NRXN3: variants seen among roughly 807,000 people sequenced by gnomAD.
NRXN3 encodes neurexin 3, also known as neurexin III.
Under a neutral mutation model 137.6 loss-of-function variants are expected in NRXN3, and 32 were observed. The ratio of observed to expected loss-of-function variants is 0.23; its 90% confidence interval spans 0.18 to 0.31. NRXN3 has a LOEUF of 0.31. Among genes scored for constraint, NRXN3 ranks in the 10% least tolerant of loss-of-function variants. The pLI is 1.00. For synonymous variants in NRXN3, 798 were observed against 784.5 expected, an observed-to-expected ratio of 1.02 and a Z score of -0.29; for missense variants, 1,574 against 2,062.5, an observed-to-expected ratio of 0.76 and a Z score of 4.59.
intron 4 of NRXN3, among the ~76,000 whole-genome samples, chr14:78,520,602 A>G (rs1191179931): frequency 6.6e-6 from 1 of 152,212 alleles, no homozygotes; most frequent in African/African-American, 2.4e-5. Flanking sequence ...GGGTTTCACC[A>G]CTTAGAAGCT....
chr14:79,413,040 T>A (rs1198008317), intron 15 of NRXN3, among the ~76,000 whole-genome samples: 1 of 152,154 alleles, frequency 6.6e-6, no homozygotes, highest in Non-Finnish European at 1.5e-5. Context: ...GCCCTTCATA[T>A]AATGTCCCAA....
At chr14:78,179,446 C>T (rs1002057034) in intron 1 of NRXN3, among the ~76,000 whole-genome samples, 1 of 152,120 alleles carries the variant, frequency 6.6e-6, no homozygotes, top group African/African-American at 2.4e-5. Flanking sequence ...GTTAATTAAA[C>T]ATCGATTTCT....
chr14:79,166,782 T>G (rs2061323780), intron 15 of NRXN3, among the ~76,000 whole-genome samples: 1 of 151,936 alleles, frequency 6.6e-6, no homozygotes, highest in African/African-American at 2.4e-5. Context: ...TGTAGGACTT[T>G]GAGCAAGATG....
chr14:78,577,373 A>G (rs1462319550), intron 4 of NRXN3, among the ~76,000 whole-genome samples: 3 of 151,970 alleles, frequency 2.0e-5, no homozygotes, highest in Non-Finnish European at 4.4e-5. Flanking sequence ...GTGTAGATGA[A>G]GATAAGGGTA....
At chr14:79,475,049 T>A (rs1450590160) in intron 16 of NRXN3, among the ~76,000 whole-genome samples, 2 of 152,166 alleles carry the variant, frequency 1.3e-5, no homozygotes, top group East Asian at 3.9e-4. Flanking sequence ...CCCCACAAAA[T>A]GTTGCTAGAA....
At chr14:79,102,409 A>G (rs2051496331) in intron 15 of NRXN3, among the ~76,000 whole-genome samples, 1 of 152,190 alleles carries the variant, frequency 6.6e-6, no homozygotes, top group Non-Finnish European at 1.5e-5. Context: ...GACAGTTCCC[A>G]AGGTCAAACT....
chr14:78,831,119 G>A (rs958567315), intron 10 of NRXN3, among the ~76,000 whole-genome samples: 5 of 152,118 alleles, frequency 3.3e-5, no homozygotes, highest in Non-Finnish European at 5.9e-5. Context: ...GGTAGTGGGA[G>A]TATTTTTCAC....
At chr14:79,401,790 T>C (rs11159407) in intron 15 of NRXN3, among the ~76,000 whole-genome samples, 104,159 of 151,460 alleles carry the variant, frequency 0.69, 36,235 homozygotes, top group Middle Eastern at 0.84. Context: ...TTAACTCTCC[T>C]GATTATTTTG....
chr14:78,829,223 A>G (rs1378104538), intron 10 of NRXN3, among the ~76,000 whole-genome samples: 1 of 152,200 alleles, frequency 6.6e-6, no homozygotes, highest in East Asian at 1.9e-4. Flanking sequence ...ATTTACAATC[A>G]TCCTTTCTTT....
chr14:79,139,721 T>C (rs1023772487), intron 15 of NRXN3, among the ~76,000 whole-genome samples: 3 of 151,996 alleles, frequency 2.0e-5, no homozygotes, highest in Non-Finnish European at 4.4e-5. Flanking sequence ...TTTCCAGTAA[T>C]GCATACCAAA....
At chr14:79,441,748 A>G (rs1448173350) in intron 15 of NRXN3, among the ~76,000 whole-genome samples, 4 of 151,810 alleles carry the variant, frequency 2.6e-5, no homozygotes, top group African/African-American at 9.7e-5. Flanking sequence ...TATGAAGAAA[A>G]GCATATTCTT....
intron 20 of NRXN3, among the ~76,000 whole-genome samples, chr14:79,812,533 A>G (rs990464416): frequency 1.3e-5 from 2 of 152,130 alleles, no homozygotes; most frequent in African/African-American, 4.8e-5. Context: ...ATCACACAAG[A>G]TGATGCCAAG....
At chr14:78,768,712 A>C (rs1224780089) in intron 8 of NRXN3, among the ~76,000 whole-genome samples, 1 of 152,226 alleles carries the variant, frequency 6.6e-6, no homozygotes, top group Non-Finnish European at 1.5e-5. Context: ...CATAGTACAC[A>C]GTAAGCATAT....
chr14:78,958,198 G>A (rs995297519), intron 11 of NRXN3, among the ~76,000 whole-genome samples: 1 of 152,068 alleles, frequency 6.6e-6, no homozygotes, highest in East Asian at 1.9e-4. Flanking sequence ...TTGTCAATCA[G>A]AAGAGAGAAT....
At chr14:79,019,860 AAG>A (rs1262738293) in intron 15 of NRXN3, among the ~76,000 whole-genome samples, 10 of 152,170 alleles carry the variant, frequency 6.6e-5, no homozygotes, top group Non-Finnish European at 1.3e-4. Context: ...GAGGGAAACC[AAG>A]ACAGGACTGT....
At chr14:79,706,699 C>A (rs907368066) in intron 19 of NRXN3, among the ~76,000 whole-genome samples, 1 of 152,012 alleles carries the variant, frequency 6.6e-6, no homozygotes, top group Admixed American at 6.6e-5. Context: ...AGCTGCTCTC[C>A]GATAAATTAA....
At chr14:79,133,523 T>C (rs2047777) in intron 15 of NRXN3, among the ~76,000 whole-genome samples, 152,022 of 152,308 alleles carry the variant, frequency 1, 75,877 homozygotes, top group Middle Eastern at 1. Context: ...CTGTTATCTC[T>C]TTGAAGACAA....
At chr14:79,567,095 CTT>C (rs1480910296) in intron 16 of NRXN3, among the ~76,000 whole-genome samples, 2 of 152,014 alleles carry the variant, frequency 1.3e-5, no homozygotes, top group Non-Finnish European at 2.9e-5. Context: ...TATCTGCTCT[CTT>C]TGCAGTTCAT....
intron 4 of NRXN3, among the ~76,000 whole-genome samples, chr14:78,517,503 C>A (rs1260876894): frequency 1.1e-4 from 16 of 152,106 alleles, no homozygotes; most frequent in Admixed American, 8.5e-4. Flanking sequence ...GAAACAGACT[C>A]CCTATGCTCA....
Sources: gnomAD v4.1 joint callset for allele counts (sites outside exome capture counted in the v4.1 genomes callset) on GRCh38, gnomAD v4.1.1 for gene constraint, MANE v1.5 for transcripts, NCBI Gene and HGNC (gene_info 2026-07-23, HGNC 2026-07-21) for gene names.